The following TAOK2 variants were observed in gnomAD, a reference collection of about 807,000 sequenced individuals.
TAOK2 encodes the protein TAO kinase 2.
In TAOK2, 42 loss-of-function variants were observed where a neutral mutation model predicts 122.5. The ratio of observed to expected loss-of-function variants is 0.34; its 90% CI spans 0.27 to 0.44. The LOEUF is 0.44. TAOK2 is among the 20% of genes least tolerant of loss of function. The pLI, the probability that TAOK2 is intolerant of heterozygous loss-of-function variation, is 1.00. For missense variants in TAOK2, 1,264 were observed against 1,644.9 expected (o/e 0.77, Z 4.01); for synonymous variants, 704 against 677.6 (o/e 1.04, Z -0.61).
rs368747234 is a variant in TAOK2 at position 29,983,209 on chromosome 16, AGAGGAG to A, written c.1152_1157del (p.Glu391_Glu392del). The A allele has an allele frequency of 4.8e-5, 77 of 1,612,956 alleles. No homozygotes were observed. Among genetic ancestry groups the A allele is most frequent in the African/African-American group, 8.0e-5 (6 of 74,796 alleles). On this transcript the variant is annotated inframe_deletion, in exon 12 of 16. Transcript: ENST00000308893. ...TAGCAGATGCCTCAGACAACGAGGA[AGAGGAG>A]GAGGAGGAGGAGGAAGAGGAGGAGG...
Position 29,987,928 on chromosome 16 carries a change from C to G in TAOK2, c.3656C>G (p.Ala1219Gly). Residue 1219 changes from alanine to glycine, a missense_variant, in exon 16 of 16, where the codon GCC becomes GGC. By Grantham distance (60) the Ala-to-Gly change is moderately conservative. Around this residue, in one of 4 missense-constraint regions of TAOK2, gnomAD observed 824 missense variants for 908.7 expected, o/e 0.91. Coordinates refer to ENST00000308893, the MANE Select transcript of TAOK2 (RefSeq NM_016151.4). Reference protein sequence around the residue: ...ASRQPLPGTLAGRRSRTRQSR... With the variant: ...ASRQPLPGTLGGRRSRTRQSR... ...CGCCAGCCACTGCCAGGGACTCTAG[C>G]CGGGCGGAGGTCACGCACCCGCCAG... The G allele has an allele frequency of 6.5e-7, 1 of 1,550,160 alleles. No individual in the cohort carries two copies.
Position 29,985,907 on chromosome 16 carries a change from CA to C in TAOK2, c.1992+47del. ...TCCCCTCCCGCTCACTCGTGGATCC[CA>C]GGGACCCACCCTTTTCCATTTTCCT... On this transcript the variant is annotated intron_variant, in intron 15 of 15. Coordinates refer to ENST00000308893, the MANE Select transcript of TAOK2 (RefSeq NM_016151.4). The surrounding 1 kb of genome is among the most constrained non-coding windows in gnomAD (Gnocchi z 6.9). 1 of 1,581,422 alleles carries C rather than the reference CA, an allele frequency of 6.3e-7. No individual in the cohort carries two copies. The highest frequency in any genetic ancestry group is 8.6e-7 in the Non-Finnish European group (1 of 1,161,100).
rs923516024 is a variant in TAOK2 at position 29,986,310 on chromosome 16, C to T, written c.2038C>T (p.Leu680=). 2.5e-5 allele frequency: 39 copies of T among 1,555,104 alleles called. No homozygotes were observed. Among genetic ancestry groups the T allele is most frequent in the Non-Finnish European group, 3.2e-5 (37 of 1,149,680 alleles). ...CCAGAAGGACTTGGAGTGTGCACTG[C>T]TGCTTCGGCAGCACGAGGCCACGCG... is the stretch of plus-strand genomic sequence containing the variant. ...QTQKDLECAL[L]LRQHEATREL... The change falls in exon 16 of 16, where the codon CTG becomes TTG. Residue 680 remains leucine (L), a synonymous_variant. Coordinates refer to ENST00000308893, the MANE Select transcript of TAOK2 (RefSeq NM_016151.4). This position sits in a 1 kb window ranked among gnomAD's most constrained non-coding sequence, Gnocchi z 4.2.
Position 29,983,517 on chromosome 16 carries a change from A to G in TAOK2, c.1275A>G (p.Leu425=), listed in dbSNP as rs147979834. The change falls in exon 13 of 16, where the codon CTA becomes CTG. Residue 425 remains leucine (L), a synonymous_variant. Transcript: ENST00000308893. ...IIHRLPGSDN[L]YDDPYQPEIT... is the part of the protein sequence containing the mutation. ...TCTCCCTCTAGGGCTCTGACAACCT[A>G]TATGATGACCCCTACCAGCCAGAGA... 2 of 1,611,878 alleles carry G rather than the reference A, an allele frequency of 1.2e-6. No homozygotes were observed. Among genetic ancestry groups the G allele is most frequent in the Non-Finnish European group, 1.7e-6 (2 of 1,178,716 alleles).
chr16:29,986,010 C>A lies in TAOK2; in HGVS notation c.1992+149C>A. On this transcript the variant is annotated intron_variant, in intron 15 of 15. Transcript: ENST00000308893. The surrounding 1 kb of genome is among the most constrained non-coding windows in gnomAD (Gnocchi z 4.2). ...TTCAGTGCCCCTTTTACTTCTCATC[C>A]CCAACAGACCCTGCCAGAATTTCCT... 2 of 1,123,706 alleles carry A rather than the reference C, an allele frequency of 1.8e-6. No individual in the cohort carries two copies. Among genetic ancestry groups the A allele is most frequent in the Non-Finnish European group, 2.5e-6 (2 of 798,158 alleles). 69.6% of individuals were successfully genotyped at this position (1,123,706 alleles called of 1,614,324 possible).
downstream of TAOK2, chr16:29,991,815 C>G (rs2069976462): frequency 2.4e-6 from 1 of 423,230 alleles, no homozygotes; most frequent in African/African-American, 2.1e-5. The surrounding 1 kb of genome is among the most constrained non-coding windows in gnomAD (Gnocchi z 5.6). Flanking sequence ...TCTCCCTCCG[C>G]CACCTAGGAA....
chr16:29,988,295 C>G lies in TAOK2; in HGVS notation c.*315C>G. On this transcript the variant is annotated 3_prime_UTR_variant, in exon 16 of 16. Coordinates refer to ENST00000308893, the MANE Select transcript of TAOK2 (RefSeq NM_016151.4). ...GGGTGGGAAGAGTCATGTTTTTTTT[C>G]TCCTCTTTGATTTTGTTTTTCTGTC... 1 of 1,452,196 alleles carries G rather than the reference C, an allele frequency of 6.9e-7. No individual in the cohort carries two copies. Among genetic ancestry groups the G allele is most frequent in the Non-Finnish European group, 9.1e-7 (1 of 1,100,100 alleles). The allele number at this position is 1,452,196 out of a possible 1,614,324, so 90.0% of individuals were successfully genotyped here.
At chr16:29,982,710 G>C in intron 10 of TAOK2, 24 bp from the exon 11 acceptor site, 1 of 1,602,356 alleles carries the variant, frequency 6.2e-7, no homozygotes, top group Non-Finnish European at 8.5e-7. Context: ...GTTGGCAGCA[G>C]ACCTCAGTGC....
chr16:29,987,482 G>A lies in TAOK2; in HGVS notation c.3210G>A (p.Val1070=), dbSNP rs760178162. ...LVAMAAGGRW[V]RQQGPRVRRG... ...CTATGGCAGCGGGGGGCAGATGGGT[G>A]CGGCAGCAGGGCCCCCGGGTGCGCC... is the stretch of plus-strand genomic sequence containing the variant. The change falls in exon 16 of 16, where the codon GTG becomes GTA. Residue 1070 remains valine (V), a synonymous_variant. Coordinates refer to ENST00000308893, the MANE Select transcript of TAOK2 (RefSeq NM_016151.4). 2.8e-5 allele frequency: 45 copies of A among 1,594,046 alleles called. No individual in the cohort carries two copies. The highest frequency in any genetic ancestry group is 9.4e-6 in the Non-Finnish European group (11 of 1,168,918).
At chr16:29,989,508 T>C (rs2069914676), downstream of TAOK2, 12 of 1,572,126 alleles carry the variant, frequency 7.6e-6, no homozygotes, top group South Asian at 1.4e-4. Flanking sequence ...CCATTTCCCC[T>C]GGTTGTTCCT....
intron 10 of TAOK2, among the ~76,000 whole-genome samples, 161 bp downstream of exon 10, chr16:29,982,101 A>AT (rs1422133760): frequency 9.2e-5 from 14 of 152,058 alleles, no homozygotes; most frequent in South Asian, 4.1e-4. Flanking sequence ...GTTTTACAAG[A>AT]TTTTGTCTAC....
At position 29,987,268 on chromosome 16, in the gene TAOK2, TG is replaced by T; in HGVS notation, c.3001del (p.Ala1001ProfsTer32). 6.5e-7 allele frequency: 1 copy of T among 1,527,754 alleles called. No individual in the cohort carries two copies. 94.6% of individuals were successfully genotyped at this position (1,527,754 alleles called of 1,614,324 possible). A position where few individuals can be genotyped will look rare whatever the true frequency, so the allele number is the denominator to read the frequency against. ...GCCCTTGAGGTGGGGCTGGTGGGTC[TG>T]GGGGCCTCCTACCTGCTCCTTTGTA... ...LLALEVGLVGLGASYLLLCTA... is the reference protein window; with the variant it reads ...LLALEVGLVGXGASYLLLCTA... On this transcript the variant is annotated frameshift_variant, in exon 16 of 16. Coordinates refer to ENST00000308893, the MANE Select transcript of TAOK2 (RefSeq NM_016151.4). LOFTEE classifies it high-confidence loss of function.
chr16:29,983,222 G>A lies in TAOK2; in HGVS notation c.1150G>A (p.Glu384Lys). ...ASDNEEEEEEEEEEEEEEEGP... is the reference protein window; with the variant it reads ...ASDNEEEEEEKEEEEEEEEGP... ...AGACAACGAGGAAGAGGAGGAGGAG[G>A]AGGAGGAAGAGGAGGAGGAGGAAGA... Residue 384 changes from glutamate (E) to lysine (K), a missense_variant, in exon 12 of 16, where the codon GAG becomes AAG. This residue lies in a region of TAOK2 where 122 missense variants were observed against 116.7 expected (regional missense o/e 1.04). Transcript: ENST00000308893. The A allele has an allele frequency of 1.2e-6, 2 of 1,612,944 alleles. No individual in the cohort carries two copies. The highest frequency in any genetic ancestry group is 1.3e-5 in the African/African-American group (1 of 74,966).
At chr16:29,989,912 T>A, downstream of TAOK2, 1 of 1,099,310 alleles carries the variant, frequency 9.1e-7, no homozygotes, top group Non-Finnish European at 1.3e-6. Flanking sequence ...CTTTTTTACT[T>A]GGGAAACTCA....
Position 29,985,952 on chromosome 16 carries a change from C to T in TAOK2, c.1992+91C>T. ...TTTTCCTCATTCTTGTCTTCTTTCTCCTTGGCCCTCGAGTGTTACAGTTCA... is the reference window on the plus strand; with the variant it reads ...TTTTCCTCATTCTTGTCTTCTTTCTTCTTGGCCCTCGAGTGTTACAGTTCA... On this transcript the variant is annotated intron_variant, in intron 15 of 15. Coordinates refer to ENST00000308893, the MANE Select transcript of TAOK2 (RefSeq NM_016151.4). The surrounding 1 kb of genome is among the most constrained non-coding windows in gnomAD (Gnocchi z 6.9). The T allele has an allele frequency of 6.9e-7, 1 of 1,446,502 alleles. No individual in the cohort carries two copies. The highest frequency in any genetic ancestry group is 1.3e-5 in the South Asian group (1 of 77,972). 89.6% of individuals were successfully genotyped at this position (1,446,502 alleles called of 1,614,324 possible). A position where few individuals can be genotyped will look rare whatever the true frequency, so the allele number is the denominator to read the frequency against.
downstream of TAOK2, chr16:29,989,556 G>A (rs752285844): frequency 4.6e-5 from 74 of 1,607,258 alleles, no homozygotes; most frequent in Admixed American, 1.2e-4. Flanking sequence ...CCTCTTCCCC[G>A]CTGCCCCCAT....
At chr16:29,982,380 A>C (rs2069644892) in intron 10 of TAOK2, among the ~76,000 whole-genome samples, 2 of 152,180 alleles carry the variant, frequency 1.3e-5, no homozygotes, top group Non-Finnish European at 2.9e-5. Flanking sequence ...TGGAAACTTC[A>C]GATTATGTAG....
intron 13 of TAOK2, 52 bp downstream of exon 13, chr16:29,983,716 T>C (rs2069695189): frequency 6.4e-7 from 1 of 1,566,966 alleles, no homozygotes; most frequent in Non-Finnish European, 8.7e-7. Flanking sequence ...TTTTAAGTCT[T>C]TTTAAGTCTA....
chr16:29,988,385 T>G lies in TAOK2; in HGVS notation c.*405T>G. ...AAAAGACAAACACAAATAAAATATCTGAGCGGAACTGTGCCTTTGGCCCAG... is the reference window on the plus strand; with the variant it reads ...AAAAGACAAACACAAATAAAATATCGGAGCGGAACTGTGCCTTTGGCCCAG... On this transcript the variant is annotated 3_prime_UTR_variant, in exon 16 of 16. Coordinates refer to ENST00000308893, the MANE Select transcript of TAOK2 (RefSeq NM_016151.4). The G allele has an allele frequency of 7.6e-7, 1 of 1,311,390 alleles. No homozygotes were observed. Among genetic ancestry groups the G allele is most frequent in the Non-Finnish European group, 1.0e-6 (1 of 1,004,078 alleles). 81.2% of individuals were successfully genotyped at this position (1,311,390 alleles called of 1,614,324 possible). A position where few individuals can be genotyped will look rare whatever the true frequency, so the allele number is the denominator to read the frequency against.
Sources: gnomAD v4.1 joint callset for allele counts (sites outside exome capture counted in the v4.1 genomes callset) on GRCh38, gnomAD v4.1.1 for gene constraint, gnomAD v4.1.1 regional missense constraint, Gnocchi (gnomAD v3.1) non-coding constraint, MANE v1.5 for transcripts, NCBI Gene and HGNC (gene_info 2026-07-23, HGNC 2026-07-21) for gene names.